ICE1: variants seen among roughly 807,000 people sequenced by gnomAD.
The protein encoded by ICE1 is little elongation complex subunit 1.
A neutral mutation model predicts 192.7 loss-of-function variants in ICE1; 64 were observed. That is an observed-to-expected ratio of 0.33 (90% CI 0.27 to 0.41). The LOEUF is 0.41. Among genes scored for constraint, ICE1 ranks in the 10% least tolerant of loss-of-function variants. The pLI is 1.00. For synonymous variants in ICE1, 1,010 were observed against 984.5 expected (o/e 1.03, Z -0.49); for missense variants, 2,708 against 2,696.0 (o/e 1.00, Z -0.10).
intron 12 of ICE1, among the ~76,000 whole-genome samples, chr5:5,459,958 T>G (rs1027703182): frequency 9.9e-5 from 15 of 151,950 alleles, no homozygotes; most frequent in African/African-American, 3.6e-4. Flanking sequence ...GGAGGAGATA[T>G]GTGGTGGGAG....
chr5:5,422,794 G>T lies in ICE1; in HGVS notation c.-122G>T. ...GGGACCTCTGTGCACGGATGGACCCGCCCGGACCTGGCGGGAAGCGGCCTG... is the reference window on the plus strand; with the variant it reads ...GGGACCTCTGTGCACGGATGGACCCTCCCGGACCTGGCGGGAAGCGGCCTG... On this transcript the variant is annotated 5_prime_UTR_variant, in exon 1 of 19. Coordinates refer to ENST00000296564, the MANE Select transcript of ICE1 (RefSeq NM_015325.3). The T allele has an allele frequency of 1.6e-6, 1 of 634,064 alleles. No homozygotes were observed. Among genetic ancestry groups the T allele is most frequent in the Non-Finnish European group, 2.2e-6 (1 of 447,542 alleles). The allele number at this position is 634,064 out of a possible 1,614,324, so 39.3% of individuals were successfully genotyped here.
chr5:5,445,179 A>C (rs749704916), intron 7 of ICE1, among the ~76,000 whole-genome samples: 1 of 152,356 alleles, frequency 6.6e-6, no homozygotes, highest in Admixed American at 6.5e-5. Flanking sequence ...ATCCGGGCAC[A>C]TAGAATAATA....
At chr5:5,454,473 T>G (rs1377532846) in intron 10 of ICE1, 79 bp from the exon 11 acceptor site, 6 of 934,352 alleles carry the variant, frequency 6.4e-6, no homozygotes, top group Non-Finnish European at 1.0e-5. Context: ...TAATAAACCC[T>G]GATTTCACAG....
At chr5:5,436,651 A>AG (rs1737880660) in intron 2 of ICE1, among the ~76,000 whole-genome samples, 175 bp downstream of exon 2, 1 of 152,186 alleles carries the variant, frequency 6.6e-6, no homozygotes, top group South Asian at 2.1e-4. Flanking sequence ...CTTTTGTTAC[A>AG]GGTTCACAGG....
chr5:5,451,132 A>G (rs1487995614), intron 10 of ICE1, among the ~76,000 whole-genome samples: 1 of 152,134 alleles, frequency 6.6e-6, no homozygotes, highest in Non-Finnish European at 1.5e-5. Flanking sequence ...TGCAAAACTT[A>G]CCTAATAACT....
chr5:5,471,757 A>G (rs932572457), intron 15 of ICE1, among the ~76,000 whole-genome samples: 4 of 152,160 alleles, frequency 2.6e-5, no homozygotes, highest in African/African-American at 9.6e-5. Context: ...TATTGTCTTC[A>G]GTGTAAATTT....
intron 1 of ICE1, among the ~76,000 whole-genome samples, chr5:5,427,622 A>G (rs1737564603): frequency 6.6e-6 from 1 of 152,204 alleles, no homozygotes; most frequent in Non-Finnish European, 1.5e-5. Flanking sequence ...TCCCATTGAT[A>G]ATCGCTAGTG....
chr5:5,434,997 A>G (rs765468946), intron 1 of ICE1, among the ~76,000 whole-genome samples: 29 of 152,206 alleles, frequency 1.9e-4, no homozygotes, highest in Non-Finnish European at 3.1e-4. Flanking sequence ...TCTGAAATGC[A>G]TAAGTCTGGT....
intron 7 of ICE1, among the ~76,000 whole-genome samples, chr5:5,444,800 G>A (rs568941514): frequency 2.0e-5 from 3 of 152,200 alleles, no homozygotes; most frequent in South Asian, 4.2e-4. Context: ...ATCCTCACCC[G>A]TGCCTCACCC....
chr5:5,430,996 A>G (rs1463132911), intron 1 of ICE1, among the ~76,000 whole-genome samples: 6 of 152,176 alleles, frequency 3.9e-5, no homozygotes, highest in African/African-American at 1.4e-4. Flanking sequence ...TTTTTGCTTC[A>G]GTTTCTCCAT....
In ICE1 at chr5:5,447,108, G is replaced by A. The variant is rs930699970; in HGVS notation, c.425-319G>A. Reference sequence around the variant, plus strand: ...TTTCTAGGACTTTAAGGTTGCCAGTGATTGAAATGGGACGGCAACTCCCTT... The same window carrying A: ...TTTCTAGGACTTTAAGGTTGCCAGTAATTGAAATGGGACGGCAACTCCCTT... On this transcript the variant is annotated intron_variant, in intron 7 of 18. Transcript: ENST00000296564. Among the ~76,000 whole-genome samples the A allele has an allele frequency of 8.5e-5, 13 of 152,302 alleles. 1 individual carries two copies. The South Asian group carries it at 2.3e-3, about 27-fold the overall frequency.
At chr5:5,447,058 C>T (rs796909680) in intron 7 of ICE1, among the ~76,000 whole-genome samples, 8 of 152,246 alleles carry the variant, frequency 5.3e-5, no homozygotes, top group African/African-American at 1.9e-4. Context: ...AGGCTATATT[C>T]TGAGATAAAA....
rs762287463 is a variant in ICE1, at chr5:5,463,266, C to T, written c.3932C>T (p.Ser1311Phe). Residue 1311 changes from serine to phenylalanine, a missense_variant, in exon 13 of 19, where the codon TCC (serine) becomes TTC (phenylalanine). By Grantham distance (155) the Ser-to-Phe change is radical. Transcript: ENST00000296564. The stretch of plus-strand genomic sequence containing the variant: ...AGTCCATTTCGGGAAACGACTGGCT[C>T]CTCATCACATGCTTCAGAACCAACC... ...EKSPFRETTG[S>F]SSHASEPTPQ... is the part of the protein sequence containing the mutation. 1.9e-6 allele frequency: 3 copies of T among 1,613,446 alleles called. No homozygotes were observed. Among genetic ancestry groups the T allele is most frequent in the Admixed American group, 1.7e-5 (1 of 59,968 alleles).
chr5:5,453,482 A>G (rs1227981894), intron 10 of ICE1, among the ~76,000 whole-genome samples: 1 of 152,182 alleles, frequency 6.6e-6, no homozygotes, highest in Non-Finnish European at 1.5e-5. Flanking sequence ...TTGGGTTTTT[A>G]AAGTTTGGTC....
chr5:5,440,678 C>T (rs1393541479), intron 4 of ICE1, among the ~76,000 whole-genome samples: 1 of 151,722 alleles, frequency 6.6e-6, no homozygotes, highest in African/African-American at 2.4e-5. Context: ...TTTAATTAGC[C>T]AGCTGTGGTG....
chr5:5,454,332 A>G lies in ICE1; in HGVS notation c.605-220A>G, dbSNP rs543726574. On this transcript the variant is annotated intron_variant, in intron 10 of 18. Transcript: ENST00000296564. ...GCCTCTGCCACCAATTTTTTTTTTA[A>G]AAAAGCAAACAAAAGTACCTTCAGC... Among the ~76,000 whole-genome samples, 6 of 152,262 alleles carry G rather than the reference A, an allele frequency of 3.9e-5. No homozygotes were observed. In the South Asian group the frequency reaches 1.0e-3, roughly 26 times the overall value.
intron 1 of ICE1, among the ~76,000 whole-genome samples, chr5:5,435,265 CTTTATT>C (rs930321436): frequency 1.1e-4 from 17 of 152,138 alleles, no homozygotes; most frequent in African/African-American, 4.1e-4. Flanking sequence ...ATGCATTTGA[CTTTATT>C]TTAATGTGTA....
At chr5:5,460,221 G>A (rs370448127) in intron 12 of ICE1, among the ~76,000 whole-genome samples, 4 of 152,302 alleles carry the variant, frequency 2.6e-5, no homozygotes, top group East Asian at 3.9e-4. Context: ...GTGTCTCTGC[G>A]GGGTGCTGGG....
At chr5:5,427,931 CA>C (rs1579534252) in intron 1 of ICE1, among the ~76,000 whole-genome samples, 1 of 151,996 alleles carries the variant, frequency 6.6e-6, no homozygotes, top group East Asian at 1.9e-4. Context: ...GTAGGAGGGA[CA>C]GTTATATAGG....
Sources: gnomAD v4.1 joint callset for allele counts (sites outside exome capture counted in the v4.1 genomes callset) on GRCh38, gnomAD v4.1.1 for gene constraint, MANE v1.5 for transcripts, NCBI Gene and HGNC (gene_info 2026-07-23, HGNC 2026-07-21) for gene names.